The following PLEKHG1 variants were observed in gnomAD, a reference collection of about 807,000 sequenced individuals.
PLEKHG1 encodes the protein pleckstrin homology domain-containing family G member 1.
Under a neutral mutation model 100.8 loss-of-function variants are expected in PLEKHG1, and 44 were observed. The observed-to-expected ratio is 0.44, with a 90% CI of 0.34 to 0.56. The LOEUF (loss-of-function observed/expected upper bound fraction) is 0.56, where lower values mean the gene tolerates loss of function less well. PLEKHG1 is among the 20% of genes least tolerant of loss of function. The pLI is 0.01. For synonymous variants in PLEKHG1, 640 were observed against 662.5 expected, an observed-to-expected ratio of 0.97 and a Z score of 0.52; for missense variants, 1,545 against 1,720.9, an observed-to-expected ratio of 0.90 and a Z score of 1.81.
At chr6:150,764,234 C>T (rs926610713) in intron 2 of PLEKHG1, among the ~76,000 whole-genome samples, 7 of 151,886 alleles carry the variant, frequency 4.6e-5, no homozygotes, top group African/African-American at 1.7e-4. Context: ...TCTCCTGCCT[C>T]AGCCTCCCGA....
intron 3 of PLEKHG1, among the ~76,000 whole-genome samples, chr6:150,672,013 GA>G (rs1779602927): frequency 6.6e-6 from 1 of 152,170 alleles, no homozygotes; most frequent in African/African-American, 2.4e-5. Context: ...ATGAATTACA[GA>G]AAGTGGGGTG....
intron 3 of PLEKHG1, among the ~76,000 whole-genome samples, chr6:150,701,417 T>TTATATATATATATATATATA (rs56982419): frequency 6.4e-5 from 2 of 31,160 alleles, no homozygotes; most frequent in African/African-American, 1.5e-4. Context: ...CAGTAATTCT[T>TTATATATATATATATATATA]TATATATATA....
chr6:150,826,558 C>G (rs17080377), intron 14 of PLEKHG1, among the ~76,000 whole-genome samples: 3,737 of 152,262 alleles, frequency 0.025, 54 homozygotes, highest in South Asian at 0.047. Context: ...GGCAAAACTG[C>G]CGTATCGAAA....
chr6:150,613,428 G>A (rs1375181141), intron 1 of PLEKHG1, among the ~76,000 whole-genome samples: 8 of 152,220 alleles, frequency 5.3e-5, no homozygotes, highest in Admixed American at 5.2e-4. Context: ...CCTTAAAAGA[G>A]TGCCCAGTGC....
intron 1 of PLEKHG1, among the ~76,000 whole-genome samples, chr6:150,612,581 C>A (rs1243556060): frequency 6.6e-6 from 1 of 152,180 alleles, no homozygotes; most frequent in East Asian, 1.9e-4. Context: ...GATTCACCCG[C>A]CTCAACTTCC....
intron 3 of PLEKHG1, among the ~76,000 whole-genome samples, chr6:150,776,439 A>G (rs1784966334): frequency 6.7e-6 from 1 of 148,316 alleles, no homozygotes; most frequent in Non-Finnish European, 1.5e-5. Context: ...ATCCTGGTGC[A>G]CATGTGCAGT....
chr6:150,752,164 C>T (rs113093369), intron 2 of PLEKHG1, among the ~76,000 whole-genome samples: 9,065 of 151,792 alleles, frequency 0.06, 845 homozygotes, highest in African/African-American at 0.2. Flanking sequence ...CTAGCCTGGG[C>T]GACAGAGCGA....
chr6:150,715,879 C>T (rs1478090798), intron 3 of PLEKHG1, among the ~76,000 whole-genome samples: 2 of 147,566 alleles, frequency 1.4e-5, no homozygotes, highest in Admixed American at 6.7e-5. Flanking sequence ...GAGGCAGAGG[C>T]GGGCGGATCA....
At chr6:150,803,938 G>A (rs1323861081) in intron 6 of PLEKHG1, among the ~76,000 whole-genome samples, 1 of 151,640 alleles carries the variant, frequency 6.6e-6, no homozygotes, top group African/African-American at 2.4e-5. Context: ...GAACTCCAGA[G>A]CTATAAGAGC....
At chr6:150,834,910 G>A (rs1390359170) in intron 15 of PLEKHG1, among the ~76,000 whole-genome samples, 1 of 152,150 alleles carries the variant, frequency 6.6e-6, no homozygotes, top group Non-Finnish European at 1.5e-5. Context: ...ACCACTTCCT[G>A]TGCCCACTAG....
chr6:150,818,137 G>GAAA, intron 10 of PLEKHG1, 46 bp from the exon 12 acceptor site: 1 of 1,486,844 alleles, frequency 6.7e-7, no homozygotes, highest in Non-Finnish European at 9.3e-7. Context: ...GGAGTTTAAA[G>GAAA]AAAAAAAAAG....
In PLEKHG1 at chr6:150,659,878, G is replaced by A. The variant is rs1011227314; in HGVS notation, c.-99+9092G>A. Among the ~76,000 whole-genome samples the A allele has an allele frequency of 2.0e-5, 3 of 152,266 alleles. No individual in the cohort carries two copies. In the South Asian group the frequency reaches 6.2e-4, roughly 32 times the overall value. On this transcript the variant is annotated intron_variant, in intron 3 of 3. Transcript: ENST00000367326. Reference sequence around the variant, plus strand: ...AACGGACTAAAGTAATTTGAAGGCAGGACTAGGTTTTATGCATGGCACACA... The same window carrying A: ...AACGGACTAAAGTAATTTGAAGGCAAGACTAGGTTTTATGCATGGCACACA...
chr6:150,840,554 G>A, exon 16 of PLEKHG1: 1 of 1,614,196 alleles, frequency 6.2e-7, no homozygotes, highest in Non-Finnish European at 8.5e-7. Context: ...ATTTCAAAGA[G>A]ACTGATGGAG....
chr6:150,769,680 G>A (rs910791696), intron 3 of PLEKHG1, among the ~76,000 whole-genome samples: 1 of 151,810 alleles, frequency 6.6e-6, no homozygotes, highest in African/African-American at 2.4e-5. Flanking sequence ...ACATACATGA[G>A]TTTGCATCCC....
intron 2 of PLEKHG1, among the ~76,000 whole-genome samples, chr6:150,750,240 G>A (rs922337517): frequency 2.0e-5 from 3 of 152,162 alleles, no homozygotes; most frequent in African/African-American, 7.2e-5. Flanking sequence ...TTACTTAAGC[G>A]ACTAAAGGCT....
intron 2 of PLEKHG1, among the ~76,000 whole-genome samples, chr6:150,755,503 C>T (rs940214907): frequency 2.6e-4 from 40 of 152,304 alleles, no homozygotes; most frequent in Non-Finnish European, 5.1e-4. Flanking sequence ...TACCTTGCTG[C>T]TCTGGGAAGG....
At chr6:150,732,323 C>T (rs1049847842) in intron 1 of PLEKHG1, among the ~76,000 whole-genome samples, 3 of 152,152 alleles carry the variant, frequency 2.0e-5, no homozygotes, top group Non-Finnish European at 4.4e-5. Context: ...TGTAGTTAAT[C>T]AAGCATGCTC....
At chr6:150,793,808 G>A (rs532874726) in intron 4 of PLEKHG1, among the ~76,000 whole-genome samples, 28 of 152,260 alleles carry the variant, frequency 1.8e-4, no homozygotes, top group Non-Finnish European at 3.2e-4. Context: ...CAGGCCAGGC[G>A]TGGTGGCTCA....
intron 2 of PLEKHG1, among the ~76,000 whole-genome samples, chr6:150,741,764 A>T (rs1238358771): frequency 6.6e-6 from 1 of 152,190 alleles, no homozygotes; most frequent in Non-Finnish European, 1.5e-5. Context: ...CCCTTTGACT[A>T]TAACAGAAGG....
Sources: gnomAD v4.1 joint callset for allele counts (sites outside exome capture counted in the v4.1 genomes callset) on GRCh38, gnomAD v4.1.1 for gene constraint, MANE v1.5 for transcripts, NCBI Gene and HGNC (gene_info 2026-07-23, HGNC 2026-07-21) for gene names.